The following CERS4 variants were observed in gnomAD, a reference collection of about 807,000 sequenced individuals.
CERS4 encodes LAG1 homolog, ceramide synthase 4.
CERS4 carries 65 observed loss-of-function variants against 51.8 expected under a neutral mutation model. The observed-to-expected ratio is 1.26, with a 90% CI of 1.03 to 1.54. CERS4 has a LOEUF of 1.54. Among genes scored for constraint, CERS4 ranks in the 40% most tolerant of loss-of-function variants. The pLI is 0.00. For synonymous variants in CERS4, 228 were observed against 208.4 expected, an observed-to-expected ratio of 1.09 and a Z score of -0.81; for missense variants, 563 against 500.4, an observed-to-expected ratio of 1.13 and a Z score of -1.19.
At chr19:8,225,493 G>A (rs1386053404) in intron 2 of CERS4, among the ~76,000 whole-genome samples, 10 of 149,526 alleles carry the variant, frequency 6.7e-5, no homozygotes, top group African/African-American at 2.0e-4. Context: ...GAGCGATCTC[G>A]GCTAACTGCA....
intron 2 of CERS4, among the ~76,000 whole-genome samples, chr19:8,235,722 C>G (rs1252762203): frequency 1.3e-5 from 2 of 151,440 alleles, no homozygotes; most frequent in African/African-American, 2.4e-5. Context: ...ACCCTCCCCC[C>G]AATCTCTATA....
rs113570151 is a variant in CERS4, at chr19:8,221,523, T to C, written c.-2+10661T>C. Among the ~76,000 whole-genome samples, 293 of 151,950 alleles carry C rather than the reference T, an allele frequency of 1.9e-3. 2 individuals carry two copies. The highest frequency in any genetic ancestry group is 0.014 in the Middle Eastern group (4 of 292). On this transcript the variant is annotated intron_variant, in intron 2 of 11. Coordinates refer to ENST00000251363, the MANE Select transcript of CERS4 (RefSeq NM_024552.3). ...TAAATGTATTTCGGTAAACAAACAA[T>C]GTGAGCCTTTTAACTTTTTTTTTTC...
At chr19:8,243,529 G>C (rs550195246) in intron 2 of CERS4, among the ~76,000 whole-genome samples, 16 of 152,224 alleles carry the variant, frequency 1.1e-4, no homozygotes, top group Non-Finnish European at 1.9e-4. Context: ...GACTTCTAGT[G>C]CCCCTCCCCA....
chr19:8,257,494 CACACACT>C (rs1283614297), intron 9 of CERS4, among the ~76,000 whole-genome samples: 4 of 152,174 alleles, frequency 2.6e-5, no homozygotes, highest in Admixed American at 2.6e-4. Flanking sequence ...AGTGCAATGG[CACACACT>C]GCTCACTGCA....
chr19:8,211,795 G>C (rs879713843), intron 2 of CERS4, among the ~76,000 whole-genome samples: 1 of 151,502 alleles, frequency 6.6e-6, no homozygotes, highest in Non-Finnish European at 1.5e-5. Flanking sequence ...GGGAGACTGA[G>C]GCAGGAGAAT....
chr19:8,228,356 T>C (rs1232638822), intron 2 of CERS4, among the ~76,000 whole-genome samples: 1 of 152,118 alleles, frequency 6.6e-6, no homozygotes, highest in Non-Finnish European at 1.5e-5. Context: ...AAATGTTGAG[T>C]ATTTTACCAC....
At chr19:8,213,162 G>A (rs1967149574) in intron 2 of CERS4, among the ~76,000 whole-genome samples, 1 of 151,990 alleles carries the variant, frequency 6.6e-6, no homozygotes, top group African/African-American at 2.4e-5. Context: ...GGGACTACAG[G>A]CATAAGCCAC....
At chr19:8,251,013 G>GC in intron 2 of CERS4, 63 bp from the exon 3 acceptor site, 1 of 1,505,298 alleles carries the variant, frequency 6.6e-7, no homozygotes, top group Admixed American at 2.2e-5. Flanking sequence ...AGCCTCTCAG[G>GC]CCCCACTTGC....
chr19:8,254,764 TTCCCTGGGAAAGGGCTCTACCCCCCAGCC>T (rs1969284643), intron 4 of CERS4, 148 bp downstream of exon 4: 2 of 671,166 alleles, frequency 3.0e-6, no homozygotes, highest in South Asian at 1.7e-5. Context: ...TCATCCTCAA[TTCCCTGGGAAAGGGCTCTACCCCCCAGCC>T]TCCCTGGGAA....
chr19:8,216,114 C>T (rs1265368802), intron 2 of CERS4, among the ~76,000 whole-genome samples: 1 of 152,206 alleles, frequency 6.6e-6, no homozygotes. Context: ...CACCGTGGCT[C>T]ACACCTGTAA....
In CERS4 at chr19:8,210,383, C is replaced by T. The variant is rs1967036933; in HGVS notation, c.-158-323C>T. ...CTGTTTGCAAGTGGAGCGTGGGGGA[C>T]CGATGTTTCTCCTGGGTAGTTAGGA... is the stretch of plus-strand genomic sequence containing the variant. On this transcript the variant is annotated intron_variant, in intron 1 of 11. Transcript: ENST00000251363. The surrounding 1 kb of genome is among the most constrained non-coding windows in gnomAD (Gnocchi z 4.2). 6.6e-6 allele frequency among the ~76,000 whole-genome samples: 1 copy of T among 151,938 alleles called. No individual in the cohort carries two copies. Among genetic ancestry groups the T allele is most frequent in the African/African-American group, 2.4e-5 (1 of 41,334 alleles).
intron 4 of CERS4, 46 bp from the exon 5 acceptor site, chr19:8,255,561 C>T (rs1969330154): frequency 5.2e-6 from 8 of 1,532,534 alleles, no homozygotes; most frequent in Non-Finnish European, 7.1e-6. Context: ...TGGGGGAAGC[C>T]ACCACAGGGC....
chr19:8,220,334 A>G (rs910430144), intron 2 of CERS4, among the ~76,000 whole-genome samples: 1 of 151,286 alleles, frequency 6.6e-6, no homozygotes, highest in Non-Finnish European at 1.5e-5. Flanking sequence ...AGACAGCACC[A>G]TGCTCTGTTA....
rs748718075 is a variant in CERS4, at chr19:8,256,635, G to A, written c.537G>A (p.Leu179=). 1 of 1,613,408 alleles carries A rather than the reference G, an allele frequency of 6.2e-7. No individual in the cohort carries two copies. The highest frequency in any genetic ancestry group is 1.1e-5 in the South Asian group (1 of 91,052). ...RYPNQTLKPS[L]YWWYLLELGF... Reference sequence around the variant, plus strand: ...TGCTGCAGACTCTGAAGCCATCCCTGTACTGGTGGTACCTCTTGGAGCTGG... The same window carrying A: ...TGCTGCAGACTCTGAAGCCATCCCTATACTGGTGGTACCTCTTGGAGCTGG... Residue 179 remains leucine, a synonymous_variant, in exon 8 of 12, where the codon CTG becomes CTA. Coordinates refer to ENST00000251363, the MANE Select transcript of CERS4 (RefSeq NM_024552.3).
intron 2 of CERS4, among the ~76,000 whole-genome samples, chr19:8,249,018 TG>T (rs1382658911): frequency 7.0e-6 from 1 of 143,402 alleles, no homozygotes; most frequent in Non-Finnish European, 1.5e-5. Context: ...GATGTTTGGA[TG>T]GGTGGATGGA....
In CERS4 at chr19:8,254,611, A is replaced by G; in HGVS notation, c.286A>G (p.Lys96Glu). 6.2e-7 allele frequency: 1 copy of G among 1,606,902 alleles called. No individual in the cohort carries two copies. The highest frequency in any genetic ancestry group is 8.5e-7 in the Non-Finnish European group (1 of 1,177,502). ...CTTCCTCACGGAAGGGCACAGGCCCAAGGAGGTGAGAGCCCCCCATGCCCT... is the reference window on the plus strand; with the variant it reads ...CTTCCTCACGGAAGGGCACAGGCCCGAGGAGGTGAGAGCCCCCCATGCCCT... ...KHFLTEGHRP[K>E]EPQLSLLAAQ... The change falls in exon 4 of 12, where the codon AAG becomes GAG. Residue 96 changes from lysine (K) to glutamate (E), a missense_variant. Transcript: ENST00000251363.
Position 8,256,915 on chromosome 19 carries a change from C to A in CERS4, c.613-34C>A, listed in dbSNP as rs774419485. On this transcript the variant is annotated intron_variant, in intron 8 of 11. Transcript: ENST00000251363. ...GGGTGGGGGACCTTCCAGCATCAAG[C>A]CTCGTCCCCACTATGACCCACCGTC... 83 of 1,613,702 alleles carry A rather than the reference C, an allele frequency of 5.1e-5. 1 individual carries two copies. In the South Asian group the frequency reaches 6.3e-4, roughly 12 times the overall value.
At position 8,227,581 on chromosome 19, in the gene CERS4, A is replaced by T. The variant is rs149397966; in HGVS notation, c.-2+16719A>T. On this transcript the variant is annotated intron_variant, in intron 2 of 11. Coordinates refer to ENST00000251363, the MANE Select transcript of CERS4 (RefSeq NM_024552.3). ...GGTCTCGAACTCCTGATCGCAAATG[A>T]TCCACCCGTCTCAGCCTCCCAAAGT... Among the ~76,000 whole-genome samples the T allele has an allele frequency of 5.9e-4, 90 of 151,916 alleles. No individual in the cohort carries two copies. The East Asian group carries it at 0.014, about 23-fold the overall frequency.
chr19:8,223,871 G>A (rs1332738657), intron 2 of CERS4, among the ~76,000 whole-genome samples: 2 of 152,002 alleles, frequency 1.3e-5, no homozygotes, highest in African/African-American at 2.4e-5. Flanking sequence ...GACCGAGGCG[G>A]GCGGATCATT....
Sources: gnomAD v4.1 joint callset for allele counts (sites outside exome capture counted in the v4.1 genomes callset) on GRCh38, gnomAD v4.1.1 for gene constraint, Gnocchi (gnomAD v3.1) non-coding constraint, MANE v1.5 for transcripts, NCBI Gene and HGNC (gene_info 2026-07-23, HGNC 2026-07-21) for gene names.